The following JRK variants were observed in gnomAD, a reference collection of about 807,000 sequenced individuals.
JRK encodes jerky protein homolog.
For missense variants in JRK, 720 were observed against 509.2 expected, an observed-to-expected ratio of 1.41 and a Z score of -3.98; for synonymous variants, 303 against 218.1, an observed-to-expected ratio of 1.39 and a Z score of -3.43.
chr8:142,664,334 G>A lies in JRK; in HGVS notation c.*18C>T, dbSNP rs782221514. 5.8e-6 allele frequency: 9 copies of A among 1,542,046 alleles called. No homozygotes were observed. Among genetic ancestry groups the A allele is most frequent in the Middle Eastern group, 1.8e-4 (1 of 5,696 alleles). On this transcript the variant is annotated 3_prime_UTR_variant, in exon 2 of 2. Transcript: ENST00000612905. ...GGGGAGAAACAGGGCCAGTGGCCAGGGCAGGGCAGAGAAGCCATCAGTTGT... is the reference window on the plus strand; with the variant it reads ...GGGGAGAAACAGGGCCAGTGGCCAGAGCAGGGCAGAGAAGCCATCAGTTGT...
At position 142,657,621 on chromosome 8, in the gene JRK, AG is replaced by A. The variant is rs1415611464; in HGVS notation, c.*6730del. Reference sequence around the variant, plus strand: ...ATAGCAAGAGCAGGAGGAAGAAGGGAGGGAGGTGCCACCAGGCTCTTTTTAA... The same window carrying A: ...ATAGCAAGAGCAGGAGGAAGAAGGGAGGAGGTGCCACCAGGCTCTTTTTAA... On this transcript the variant is annotated 3_prime_UTR_variant, in exon 2 of 2. Transcript: ENST00000612905. 1 of 152,302 alleles carries A rather than the reference AG, an allele frequency of 6.6e-6. No individual in the cohort carries two copies. The highest frequency in any genetic ancestry group is 2.4e-5 in the African/African-American group (1 of 41,446). The allele number at this position is 152,302 out of a possible 1,614,324, so 9.4% of individuals were successfully genotyped here. A position where few individuals can be genotyped will look rare whatever the true frequency, so the allele number is the denominator to read the frequency against.
the JRK span, among the ~76,000 whole-genome samples, chr8:142,643,947 A>T: frequency 2.6e-5 from 4 of 152,260 alleles, no homozygotes; most frequent in Non-Finnish European, 4.4e-5. Flanking sequence ...GCTGTTAATC[A>T]CTCAAAAGAA....
chr8:142,667,441 A>G (rs1847165906), intron 1 of JRK, among the ~76,000 whole-genome samples: 3 of 49,844 alleles, frequency 6.0e-5, no homozygotes, highest in African/African-American at 1.4e-4. Context: ...AGACACACAC[A>G]CACACACACA....
In JRK at chr8:142,659,177, C is replaced by G. The variant is rs1025718620; in HGVS notation, c.*5175G>C. ...CTCCTCCCACTGAGCCTCATGGTCA[C>G]CCCAGAGGACAGGCCTTCCTTTCAC... On this transcript the variant is annotated 3_prime_UTR_variant, in exon 2 of 2. Transcript: ENST00000612905. 25 of 1,309,812 alleles carry G rather than the reference C, an allele frequency of 1.9e-5. No homozygotes were observed. The highest frequency in any genetic ancestry group is 2.4e-5 in the Non-Finnish European group (25 of 1,025,450). The allele number at this position is 1,309,812 out of a possible 1,614,324, so 81.1% of individuals were successfully genotyped here. A position where few individuals can be genotyped will look rare whatever the true frequency, so the allele number is the denominator to read the frequency against.
the JRK span, among the ~76,000 whole-genome samples, chr8:142,649,598 C>T: frequency 6.6e-6 from 1 of 152,200 alleles, no homozygotes; most frequent in Non-Finnish European, 1.5e-5. Flanking sequence ...ATTTTGTAAA[C>T]TGCTTCAGAG....
Position 142,659,133 on chromosome 8 carries a change from C to G in JRK, c.*5219G>C. 1 of 1,348,768 alleles carries G rather than the reference C, an allele frequency of 7.4e-7. No homozygotes were observed. Among genetic ancestry groups the G allele is most frequent in the Non-Finnish European group, 9.5e-7 (1 of 1,047,878 alleles). The allele number at this position is 1,348,768 out of a possible 1,614,324, so 83.6% of individuals were successfully genotyped here. On this transcript the variant is annotated 3_prime_UTR_variant, in exon 2 of 2. Coordinates refer to ENST00000612905, the MANE Select transcript of JRK (RefSeq NM_003724.4). ...AAAAAAGGCTGGCCAGGTGCCAAGT[C>G]CCAGCTCAAGCCTGGCAGCTCCTCC...
In JRK at chr8:142,662,334, G is replaced by C; in HGVS notation, c.*2018C>G. Reference sequence around the variant, plus strand: ...TGCCCTCCCCAGCTCCACCCACCCAGGATGTCCTACTGTTTCAGAGCCCTC... The same window carrying C: ...TGCCCTCCCCAGCTCCACCCACCCACGATGTCCTACTGTTTCAGAGCCCTC... On this transcript the variant is annotated 3_prime_UTR_variant, in exon 2 of 2. Coordinates refer to ENST00000612905, the MANE Select transcript of JRK (RefSeq NM_003724.4). 1.0e-6 allele frequency: 1 copy of C among 985,616 alleles called. No individual in the cohort carries two copies. Among genetic ancestry groups the C allele is most frequent in the Non-Finnish European group, 1.2e-6 (1 of 830,086 alleles). 61.1% of individuals were successfully genotyped at this position (985,616 alleles called of 1,614,324 possible). A position where few individuals can be genotyped will look rare whatever the true frequency, so the allele number is the denominator to read the frequency against.
rs1353158985 is a variant in JRK at position 142,665,126 on chromosome 8, C to CA, written c.932dup (p.Ser312ValfsTer3). The CA allele has an allele frequency of 2.8e-6, 2 of 717,760 alleles. No homozygotes were observed. The highest frequency in any genetic ancestry group is 2.6e-6 in the Non-Finnish European group (1 of 385,112). The allele number at this position is 717,760 out of a possible 1,614,324, so 44.5% of individuals were successfully genotyped here. ...GGAAGATGGTGAAAACGTTACTGGACACCAGCTCGGCCTCCTGCGGGTGAG... is the reference window on the plus strand; with the variant it reads ...GGAAGATGGTGAAAACGTTACTGGACAACCAGCTCGGCCTCCTGCGGGTGAG... On this transcript the variant is annotated frameshift_variant, in exon 2 of 2. Transcript: ENST00000612905. LOFTEE classifies it low-confidence loss of function (END_TRUNC).
chr8:142,649,072 T>G, the JRK span, among the ~76,000 whole-genome samples: 1 of 152,080 alleles, frequency 6.6e-6, no homozygotes, highest in African/African-American at 2.4e-5. Flanking sequence ...ATGGCTGTAT[T>G]TACCCAATGC....
chr8:142,665,479 G>A lies in JRK; in HGVS notation c.580C>T (p.Arg194Trp), dbSNP rs376155400. 30 of 717,868 alleles carry A rather than the reference G, an allele frequency of 4.2e-5. No homozygotes were observed. The highest frequency in any genetic ancestry group is 6.2e-5 in the Non-Finnish European group (24 of 385,096). The allele number at this position is 717,868 out of a possible 1,614,324, so 44.5% of individuals were successfully genotyped here. A position where few individuals can be genotyped will look rare whatever the true frequency, so the allele number is the denominator to read the frequency against. Residue 194 changes from arginine (R) to tryptophan (W), a missense_variant, in exon 2 of 2, where the codon CGG becomes TGG. Physicochemically the swap from Arg to Trp is moderately radical, Grantham distance 101. Coordinates refer to ENST00000612905, the MANE Select transcript of JRK (RefSeq NM_003724.4). ...TCCGGAGTGGGATTTGGCAGGCACC[G>A]CCAGAAAAGGCCGGTCTCATCAGCG... ...YNADETGLFWRCLPNPTPEGG... is the reference protein window; with the variant it reads ...YNADETGLFWWCLPNPTPEGG...
the JRK span, among the ~76,000 whole-genome samples, chr8:142,646,777 GCT>G: frequency 1.3e-5 from 2 of 152,132 alleles, no homozygotes; most frequent in Non-Finnish European, 2.9e-5. Context: ...GTTAATCAGA[GCT>G]CTTTTATATA....
rs1390688473 is a variant in JRK, at chr8:142,657,700, G to A, written c.*6652C>T. On this transcript the variant is annotated 3_prime_UTR_variant, in exon 2 of 2. Coordinates refer to ENST00000612905, the MANE Select transcript of JRK (RefSeq NM_003724.4). ...GTGAGAACTCACTTGTTACCACAAA[G>A]ATGGCACCAGGCTATTCATGAAGGA... 1.3e-5 allele frequency: 2 copies of A among 152,210 alleles called. No homozygotes were observed. The highest frequency in any genetic ancestry group is 2.4e-5 in the African/African-American group (1 of 41,444). The allele number at this position is 152,210 out of a possible 1,614,324, so 9.4% of individuals were successfully genotyped here.
In JRK at chr8:142,660,258, A is replaced by G. The variant is rs1846874188; in HGVS notation, c.*4094T>C. Reference sequence around the variant, plus strand: ...GCTGGGTAAGCAGCAGAAGTGCAGAAGCCCTGCCCAGGCCCTGCCTCCCAG... The same window carrying G: ...GCTGGGTAAGCAGCAGAAGTGCAGAGGCCCTGCCCAGGCCCTGCCTCCCAG... On this transcript the variant is annotated 3_prime_UTR_variant, in exon 2 of 2. Coordinates refer to ENST00000612905, the MANE Select transcript of JRK (RefSeq NM_003724.4). 1.0e-6 allele frequency: 1 copy of G among 985,788 alleles called. No individual in the cohort carries two copies. Among genetic ancestry groups the G allele is most frequent in the Non-Finnish European group, 1.2e-6 (1 of 830,238 alleles). The allele number at this position is 985,788 out of a possible 1,614,324, so 61.1% of individuals were successfully genotyped here.
Position 142,664,181 on chromosome 8 carries a change from C to A in JRK, c.*171G>T. The A allele has an allele frequency of 7.2e-7, 1 of 1,379,758 alleles. No individual in the cohort carries two copies. The highest frequency in any genetic ancestry group is 9.4e-7 in the Non-Finnish European group (1 of 1,066,718). 85.5% of individuals were successfully genotyped at this position (1,379,758 alleles called of 1,614,324 possible). On this transcript the variant is annotated 3_prime_UTR_variant, in exon 2 of 2. Coordinates refer to ENST00000612905, the MANE Select transcript of JRK (RefSeq NM_003724.4). ...AACCTGTATTGACAGGAACCTCGGG[C>A]ACAGACCGTCCTGGGCACCCGAGCC...
At chr8:142,655,926 C>T (rs879999155), downstream of JRK, among the ~76,000 whole-genome samples, 2 of 152,196 alleles carry the variant, frequency 1.3e-5, no homozygotes, top group African/African-American at 2.4e-5. Context: ...TGTGGATCTG[C>T]GCTAATTCTA....
chr8:142,669,726 G>C (rs1386146025), intron 1 of JRK, among the ~76,000 whole-genome samples: 1 of 150,368 alleles, frequency 6.7e-6, no homozygotes, highest in African/African-American at 2.4e-5. Flanking sequence ...TTCGGGTTCC[G>C]AGCGCGGCTC....
the JRK span, among the ~76,000 whole-genome samples, chr8:142,648,066 G>A: frequency 1.3e-5 from 2 of 152,222 alleles, no homozygotes; most frequent in Admixed American, 1.3e-4. Flanking sequence ...CTGAACTTGA[G>A]AGAGATGATT....
At position 142,665,193 on chromosome 8, in the gene JRK, G is replaced by C. The variant is rs200453485; in HGVS notation, c.866C>G (p.Pro289Arg). The C allele has an allele frequency of 1.4e-6, 1 of 717,850 alleles. No individual in the cohort carries two copies. Among genetic ancestry groups the C allele is most frequent in the Admixed American group, 2.0e-5 (1 of 50,028 alleles). The allele number at this position is 717,850 out of a possible 1,614,324, so 44.5% of individuals were successfully genotyped here. A position where few individuals can be genotyped will look rare whatever the true frequency, so the allele number is the denominator to read the frequency against. ...CAAGAGAACGGCTTTGCTGTCTTCC[G>C]GCAAACCTATGGTTCTGAAGTGCTC... ...VREHFRTIGL[P>R]EDSKAVLLLD... is the part of the protein sequence containing the mutation. The change falls in exon 2 of 2, where the codon CCG becomes CGG. Residue 289 changes from proline to arginine, a missense_variant. Coordinates refer to ENST00000612905, the MANE Select transcript of JRK (RefSeq NM_003724.4).
downstream of JRK, among the ~76,000 whole-genome samples, chr8:142,654,525 G>A (rs1846715724): frequency 6.6e-6 from 1 of 151,792 alleles, no homozygotes; most frequent in Non-Finnish European, 1.5e-5. Context: ...TACCCCCAGG[G>A]CTACCCCAGA....
Sources: allele counts gnomAD v4.1 joint callset (sites outside exome capture counted in the v4.1 genomes callset), GRCh38; gene constraint gnomAD v4.1.1; transcripts MANE v1.5; gene names NCBI Gene and HGNC (gene_info 2026-07-23, HGNC 2026-07-21).